PCNX2: variants seen among roughly 807,000 people sequenced by gnomAD.
PCNX2 encodes pecanex-like protein 2.
Under a neutral mutation model 223.8 loss-of-function variants are expected in PCNX2, and 168 were observed. The observed-to-expected ratio is 0.75, with a 90% CI of 0.66 to 0.85. The LOEUF (loss-of-function observed/expected upper bound fraction) is 0.85, where lower values mean the gene tolerates loss of function less well. Among genes scored for constraint, PCNX2 ranks in the 40% least tolerant of loss-of-function variants. The probability of loss-of-function intolerance (pLI) is 0.00; values close to 1 mark genes in which losing one functional copy is unlikely to be tolerated. For missense variants in PCNX2, 2,507 were observed against 2,675.5 expected, an observed-to-expected ratio of 0.94 and a Z score of 1.39; for synonymous variants, 1,006 against 1,052.6, an observed-to-expected ratio of 0.96 and a Z score of 0.86.
intron 15 of PCNX2, among the ~76,000 whole-genome samples, chr1:233,192,610 T>G (rs936793863): frequency 4.6e-5 from 7 of 151,968 alleles, no homozygotes; most frequent in African/African-American, 1.7e-4. Context: ...AAAGCACATT[T>G]ACATCAAAAA....
At chr1:233,130,465 TTGTGTGTGTGTGTG>T (rs55865610) in intron 21 of PCNX2, among the ~76,000 whole-genome samples, 10 of 136,472 alleles carry the variant, frequency 7.3e-5, no homozygotes, top group East Asian at 4.5e-4. Context: ...CCCCCAACTT[TTGTGTGTGTGTGTG>T]TGTGTGTGTG....
chr1:233,007,721 G>A (rs1444292867), intron 28 of PCNX2, among the ~76,000 whole-genome samples: 1 of 151,664 alleles, frequency 6.6e-6, no homozygotes. Flanking sequence ...TGTATTTTTA[G>A]TAGAGACGGG....
chr1:233,291,166 A>T (rs1661741227), intron 1 of PCNX2: 1 of 893,288 alleles, frequency 1.1e-6, no homozygotes, highest in Admixed American at 6.2e-5. Context: ...GGATTTTACC[A>T]CTGACTATAG....
intron 23 of PCNX2, chr1:233,058,665 C>CTTTTTTTTTTTTTTTTTTTTTTTT (rs771648037): frequency 2.5e-5 from 3 of 119,810 alleles, no homozygotes; most frequent in African/African-American, 7.0e-5. Flanking sequence ...CTTTTCTTTT[C>CTTTTTTTTTTTTTTTTTTTTTTTT]TTTTTTTTTT....
the PCNX2 span, among the ~76,000 whole-genome samples, chr1:233,324,404 G>A: frequency 3.9e-5 from 6 of 152,188 alleles, no homozygotes; most frequent in African/African-American, 9.6e-5. Context: ...GTCCAGACCC[G>A]GCTTTAAAGG....
chr1:233,250,226 T>A (rs1659372570), intron 8 of PCNX2, among the ~76,000 whole-genome samples: 1 of 152,118 alleles, frequency 6.6e-6, no homozygotes, highest in African/African-American at 2.4e-5. Context: ...TTAATCATCG[T>A]ATGTCCCAGA....
intron 21 of PCNX2, among the ~76,000 whole-genome samples, chr1:233,131,733 C>CT (rs201884726): frequency 0.017 from 2,586 of 151,320 alleles, 54 homozygotes; most frequent in African/African-American, 0.052. Context: ...ACTAATTTTT[C>CT]TTTTTTTTTG....
In PCNX2 at chr1:233,014,731, A is replaced by G; in HGVS notation, c.4886T>C (p.Leu1629Pro). The G allele has an allele frequency of 1.2e-6, 2 of 1,614,022 alleles. No homozygotes were observed. The highest frequency in any genetic ancestry group is 1.1e-5 in the South Asian group (1 of 91,086). ...DSDEDSPLVT[L>P]SFALCTLGRR... is the part of the protein sequence containing the mutation. ...CCCCAGGGTGCACAGGGCGAAGGAC[A>G]GAGTCACCAAGGGAGAGTCCTCGTC... Residue 1629 changes from leucine to proline, a missense_variant, in exon 28 of 34, where the codon CTG becomes CCG. By Grantham distance (98) the Leu-to-Pro change is moderately conservative (BLOSUM62 -3). Transcript: ENST00000258229.
At chr1:233,074,552 G>A (rs1175681267) in intron 23 of PCNX2, among the ~76,000 whole-genome samples, 7 of 121,916 alleles carry the variant, frequency 5.7e-5, no homozygotes, top group South Asian at 2.7e-4. Context: ...CCGAGATCCC[G>A]CCACTGCACT....
At chr1:233,187,501 T>C (rs1391252707) in intron 15 of PCNX2, among the ~76,000 whole-genome samples, 1 of 152,016 alleles carries the variant, frequency 6.6e-6, no homozygotes, top group Non-Finnish European at 1.5e-5. Flanking sequence ...AGTCACTACA[T>C]TTCTGGATTT....
chr1:233,055,563 T>C (rs1464219346), intron 24 of PCNX2, among the ~76,000 whole-genome samples: 1 of 152,100 alleles, frequency 6.6e-6, no homozygotes, highest in Non-Finnish European at 1.5e-5. Context: ...TTGGATAACA[T>C]GGGAAGTCTT....
chr1:233,076,475 A>G (rs1274868994), intron 23 of PCNX2, among the ~76,000 whole-genome samples: 2 of 152,214 alleles, frequency 1.3e-5, no homozygotes, highest in Non-Finnish European at 2.9e-5. Context: ...AGAGGCAGCA[A>G]CTTGAGAAGA....
chr1:233,013,626 T>C (rs1670552136), intron 28 of PCNX2, among the ~76,000 whole-genome samples: 1 of 152,144 alleles, frequency 6.6e-6, no homozygotes, highest in South Asian at 2.1e-4. Flanking sequence ...ACCTCTTTTG[T>C]AGAGCACCAT....
intron 21 of PCNX2, among the ~76,000 whole-genome samples, chr1:233,110,156 A>T (rs1169429232): frequency 3.3e-5 from 5 of 152,348 alleles, no homozygotes; most frequent in Admixed American, 3.3e-4. Flanking sequence ...ACAAATGAAC[A>T]AATGAATAAA....
chr1:233,274,082 C>T (rs747131907), intron 1 of PCNX2, among the ~76,000 whole-genome samples: 40 of 152,164 alleles, frequency 2.6e-4, no homozygotes, highest in Non-Finnish European at 5.1e-4. Context: ...TTGTCAATGC[C>T]CCTTGGGGGG....
At chr1:233,197,829 G>A (rs917793070) in intron 15 of PCNX2, among the ~76,000 whole-genome samples, 2 of 152,136 alleles carry the variant, frequency 1.3e-5, no homozygotes, top group African/African-American at 2.4e-5. Flanking sequence ...TAAAAAGTGA[G>A]TTAAGAAATG....
intron 21 of PCNX2, among the ~76,000 whole-genome samples, chr1:233,133,103 T>G (rs1266758216): frequency 3.9e-5 from 6 of 152,046 alleles, no homozygotes; most frequent in Admixed American, 3.9e-4. Flanking sequence ...TTCGCCATGT[T>G]GCCCATCCTG....
At position 233,000,505 on chromosome 1, in the gene PCNX2, C is replaced by G. The variant is rs1430844369; in HGVS notation, c.5128G>C (p.Asp1710His). The G allele has an allele frequency of 6.2e-7, 1 of 1,603,084 alleles. No homozygotes were observed. Among genetic ancestry groups the G allele is most frequent in the Non-Finnish European group, 8.5e-7 (1 of 1,176,998 alleles). The change falls in exon 30 of 34, where the codon GAC (aspartate) becomes CAC (histidine). Residue 1710 changes from aspartate (D) to histidine (H), a missense_variant. Around this residue, in one of 3 missense-constraint regions of PCNX2, gnomAD observed 1,372 missense variants for 1,509.4 expected, o/e 0.91. Coordinates refer to ENST00000258229, the MANE Select transcript of PCNX2 (RefSeq NM_014801.4). This position sits in a 1 kb window ranked among gnomAD's most constrained non-coding sequence, Gnocchi z 4.6. ...DQFTCPDEYE[D>H]PAVLYEAIQS... ...ATGGCCTCGTAGAGGACTGCTGGGT[C>G]TTCATACTCGTCAGGGCAAGTGAAC...
At chr1:233,144,963 T>G (rs113875108) in intron 19 of PCNX2, among the ~76,000 whole-genome samples, 28 of 125,058 alleles carry the variant, frequency 2.2e-4, no homozygotes, top group African/African-American at 1.0e-3. Flanking sequence ...GTTTTTTTTT[T>G]TTGTTTCTTT....
Sources: allele counts gnomAD v4.1 joint callset (sites outside exome capture counted in the v4.1 genomes callset), GRCh38; gene constraint gnomAD v4.1.1; regional missense constraint gnomAD v4.1.1; non-coding constraint Gnocchi (gnomAD v3.1); transcripts MANE v1.5; gene names NCBI Gene and HGNC (gene_info 2026-07-23, HGNC 2026-07-21).